Variants in PCDH15 observed in about 807,000 individuals in gnomAD.
The protein encoded by PCDH15 is protocadherin-15.
In PCDH15, 129 loss-of-function variants were observed where a neutral mutation model predicts 178.5. That is an observed-to-expected ratio of 0.72 (90% CI 0.63 to 0.84). The LOEUF is 0.84. PCDH15 is among the 40% of genes least tolerant of loss of function. The probability of loss-of-function intolerance (pLI) is 0.00; values close to 1 mark genes in which losing one functional copy is unlikely to be tolerated. For synonymous variants in PCDH15, 800 were observed against 732.0 expected, an observed-to-expected ratio of 1.09 and a Z score of -1.50; for missense variants, 2,230 against 2,099.9, an observed-to-expected ratio of 1.06 and a Z score of -1.21.
intron 2 of PCDH15, among the ~76,000 whole-genome samples, chr10:54,637,798 G>C (rs1001395874): frequency 3.3e-5 from 5 of 151,978 alleles, no homozygotes; most frequent in Non-Finnish European, 5.9e-5. Flanking sequence ...AAATTATCCA[G>C]TGTTTTTAAT....
chr10:55,267,354 T>C (rs1416023816), intron 1 of PCDH15, among the ~76,000 whole-genome samples: 1 of 152,210 alleles, frequency 6.6e-6, no homozygotes, highest in Non-Finnish European at 1.5e-5. Context: ...GTGAACAGCA[T>C]TGCAATTTCA....
At chr10:54,431,098 C>G (rs1415332819) in intron 3 of PCDH15, among the ~76,000 whole-genome samples, 2 of 151,974 alleles carry the variant, frequency 1.3e-5, no homozygotes, top group Non-Finnish European at 2.9e-5. Flanking sequence ...TAACAAGTAA[C>G]AAGATTAAAG....
intron 18 of PCDH15, among the ~76,000 whole-genome samples, chr10:54,036,650 A>T (rs1308762197): frequency 6.6e-6 from 1 of 151,874 alleles, no homozygotes; most frequent in South Asian, 2.1e-4. Flanking sequence ...AAGAGTTCTG[A>T]TGGAGATGTA....
At chr10:54,121,597 C>A (rs2095220509) in intron 15 of PCDH15, among the ~76,000 whole-genome samples, 1 of 151,990 alleles carries the variant, frequency 6.6e-6, no homozygotes. Flanking sequence ...TAGGCACAAT[C>A]AGAAATGACA....
chr10:54,804,108 G>C (rs188676543), upstream of PCDH15, among the ~76,000 whole-genome samples: 3 of 151,810 alleles, frequency 2.0e-5, no homozygotes, highest in African/African-American at 7.2e-5. Flanking sequence ...GGCGCTGTCT[G>C]GGCTCACTGC....
intron 15 of PCDH15, among the ~76,000 whole-genome samples, chr10:54,118,778 A>ATT (rs71007808): frequency 0.19 from 28,034 of 150,636 alleles, 4,140 homozygotes; most frequent in East Asian, 0.78. Context: ...TTTTATTTTT[A>ATT]TTTTTTTTTG....
At chr10:54,726,500 G>T (rs1253143855) in intron 1 of PCDH15, among the ~76,000 whole-genome samples, 3 of 147,402 alleles carry the variant, frequency 2.0e-5, no homozygotes, top group East Asian at 2.0e-4. Flanking sequence ...AAATAAAGTG[G>T]TATGAAACAG....
At chr10:55,061,021 A>T (rs1403474744) in intron 2 of PCDH15, among the ~76,000 whole-genome samples, 1 of 152,166 alleles carries the variant, frequency 6.6e-6, no homozygotes, top group Non-Finnish European at 1.5e-5. Context: ...GGGGTTGGCA[A>T]TGATTTTTTA....
chr10:53,935,872 T>TA (rs992983771), intron 25 of PCDH15, among the ~76,000 whole-genome samples: 14 of 151,752 alleles, frequency 9.2e-5, no homozygotes, highest in African/African-American at 3.1e-4. Context: ...GTAATAAAAA[T>TA]AAAAAAATAA....
chr10:54,263,195 AC>A (rs1309761912), intron 8 of PCDH15, among the ~76,000 whole-genome samples: 10 of 152,156 alleles, frequency 6.6e-5, no homozygotes, highest in Non-Finnish European at 1.3e-4. Flanking sequence ...AGCACAGTAG[AC>A]TGGTGGGTCT....
chr10:54,490,900 A>G lies in PCDH15; in HGVS notation c.157+36912T>C, dbSNP rs536859133. On this transcript the variant is annotated intron_variant, in intron 3 of 37. Transcript: ENST00000644397. ...CTTTCCTTAAGTCAGATACTGAAGT[A>G]ATGCTCCAAAACCCAACAATTACAT... is the stretch of plus-strand genomic sequence containing the variant. Among the ~76,000 whole-genome samples, 6 of 152,310 alleles carry G rather than the reference A, an allele frequency of 3.9e-5. No homozygotes were observed. In the South Asian group the frequency reaches 1.0e-3, roughly 26 times the overall value.
chr10:55,150,616 A>G (rs1224215111), intron 2 of PCDH15, among the ~76,000 whole-genome samples: 1 of 152,190 alleles, frequency 6.6e-6, no homozygotes, highest in African/African-American at 2.4e-5. Flanking sequence ...TTTACCAGCA[A>G]CTTATGTAAC....
chr10:54,556,908 A>G (rs1055411591), intron 2 of PCDH15, among the ~76,000 whole-genome samples: 1 of 152,068 alleles, frequency 6.6e-6, no homozygotes, highest in Admixed American at 6.6e-5. Flanking sequence ...GAGGAGTAGG[A>G]GGCTGTGTGA....
At chr10:53,997,134 C>A (rs1048441242) in intron 20 of PCDH15, among the ~76,000 whole-genome samples, 2 of 152,028 alleles carry the variant, frequency 1.3e-5, no homozygotes, top group Admixed American at 1.3e-4. Flanking sequence ...TTGAACTGTA[C>A]ACAAAACTGA....
At chr10:54,029,763 C>A (rs972596360) in intron 18 of PCDH15, among the ~76,000 whole-genome samples, 1 of 152,106 alleles carries the variant, frequency 6.6e-6, no homozygotes, top group Non-Finnish European at 1.5e-5. Context: ...ATTCATTCCC[C>A]ACCCCTTTTT....
chr10:55,474,202 T>C (rs569805551), intron 2 of PCDH15, among the ~76,000 whole-genome samples: 1 of 152,124 alleles, frequency 6.6e-6, no homozygotes, highest in Non-Finnish European at 1.5e-5. Context: ...AAGAAATATA[T>C]AGGAAGTATA....
At chr10:54,094,155 C>T (rs1324872380) in intron 15 of PCDH15, among the ~76,000 whole-genome samples, 1 of 152,100 alleles carries the variant, frequency 6.6e-6, no homozygotes, top group Admixed American at 6.6e-5. Context: ...CTTAATCACT[C>T]ATTAATTCAA....
chr10:54,019,120 T>G (rs1002265849), intron 20 of PCDH15, among the ~76,000 whole-genome samples: 2 of 152,040 alleles, frequency 1.3e-5, no homozygotes, highest in African/African-American at 4.8e-5. Context: ...ACCAGCCCTT[T>G]TTCATCATTC....
chr10:54,466,536 A>G lies in PCDH15; in HGVS notation c.157+61276T>C, dbSNP rs546680920. Among the ~76,000 whole-genome samples the G allele has an allele frequency of 1.7e-4, 26 of 151,806 alleles. No homozygotes were observed. In the South Asian group the frequency reaches 5.4e-3, roughly 32 times the overall value. On this transcript the variant is annotated intron_variant, in intron 3 of 37. Transcript: ENST00000644397. Reference sequence around the variant, plus strand: ...ATCTATTTCTGTTTTATTTGTCTGTATGTCTGTTTTTGTATCAACATTATG... The same window carrying G: ...ATCTATTTCTGTTTTATTTGTCTGTGTGTCTGTTTTTGTATCAACATTATG...
Sources: gnomAD v4.1 joint callset for allele counts (sites outside exome capture counted in the v4.1 genomes callset) on GRCh38, gnomAD v4.1.1 for gene constraint, MANE v1.5 for transcripts, NCBI Gene and HGNC (gene_info 2026-07-23, HGNC 2026-07-21) for gene names.